PLD5: variants seen among roughly 807,000 people sequenced by gnomAD.
PLD5 encodes the protein inactive phospholipase D5.
A neutral mutation model predicts 61.1 loss-of-function variants in PLD5; 36 were observed. The observed-to-expected ratio is 0.59, with a 90% CI of 0.45 to 0.78. The LOEUF (loss-of-function observed/expected upper bound fraction) is 0.78, where lower values mean the gene tolerates loss of function less well. Ranked by LOEUF, PLD5 falls within the 30% of genes least tolerant of loss-of-function variation. The pLI, the probability that PLD5 is intolerant of heterozygous loss-of-function variation, is 0.00. For synonymous variants in PLD5, 243 were observed against 242.8 expected (o/e 1.00, Z -0.01); for missense variants, 515 against 644.4 (o/e 0.80, Z 2.17).
chr1:242,252,948 C>T (rs1672789473), intron 4 of PLD5, among the ~76,000 whole-genome samples: 2 of 151,312 alleles, frequency 1.3e-5, no homozygotes, highest in South Asian at 4.2e-4. Flanking sequence ...TCCCGAGTAG[C>T]TGGGATTACA....
At chr1:242,323,608 A>G (rs1389187985) in intron 2 of PLD5, among the ~76,000 whole-genome samples, 22 of 152,210 alleles carry the variant, frequency 1.4e-4, no homozygotes, top group Admixed American at 1.4e-3. Flanking sequence ...TTTGCTGACA[A>G]TGCCTGCAGC....
chr1:242,434,201 G>A (rs553672359), intron 1 of PLD5, among the ~76,000 whole-genome samples: 4 of 152,332 alleles, frequency 2.6e-5, no homozygotes, highest in African/African-American at 4.8e-5. Flanking sequence ...ATGGACCAGC[G>A]TCGGTAGAAA....
At chr1:242,296,584 A>G (rs545421920) in intron 2 of PLD5, among the ~76,000 whole-genome samples, 135 of 152,284 alleles carry the variant, frequency 8.9e-4, no homozygotes, top group Non-Finnish European at 2.1e-4. Flanking sequence ...AGACCTAGGG[A>G]CCTTGCTTTA....
intron 6 of PLD5, among the ~76,000 whole-genome samples, chr1:242,122,129 C>A (rs529119188): frequency 6.6e-6 from 1 of 152,230 alleles, no homozygotes; most frequent in South Asian, 2.1e-4. Context: ...TAAAAAACTA[C>A]CCAAAGAAAT....
intron 1 of PLD5, among the ~76,000 whole-genome samples, chr1:242,399,853 G>C (rs940107052): frequency 2.0e-5 from 3 of 151,512 alleles, no homozygotes; most frequent in Admixed American, 2.0e-4. Flanking sequence ...GTGTAGGCGA[G>C]GGATCTAGGC....
intron 2 of PLD5, among the ~76,000 whole-genome samples, chr1:242,325,375 G>GGA (rs1328592066): frequency 1.6e-5 from 2 of 126,048 alleles, no homozygotes; most frequent in African/African-American, 3.0e-5. Flanking sequence ...ATATATATAG[G>GGA]GAGAGAGAGG....
At chr1:242,371,382 C>T (rs1486679520) in intron 1 of PLD5, among the ~76,000 whole-genome samples, 1 of 152,072 alleles carries the variant, frequency 6.6e-6, no homozygotes, top group South Asian at 2.1e-4. Flanking sequence ...CTACCAAAAG[C>T]TCACTACTTA....
chr1:242,396,243 GCATT>G (rs1663566184), intron 1 of PLD5, among the ~76,000 whole-genome samples: 1 of 152,260 alleles, frequency 6.6e-6, no homozygotes, highest in South Asian at 2.1e-4. Flanking sequence ...ACTATCCTGT[GCATT>G]GTAGGATGCT....
chr1:242,187,406 G>T (rs551537268), intron 5 of PLD5, among the ~76,000 whole-genome samples: 1 of 152,234 alleles, frequency 6.6e-6, no homozygotes, highest in African/African-American at 2.4e-5. Flanking sequence ...ACTTCCTGTT[G>T]CATAAAACAA....
intron 2 of PLD5, among the ~76,000 whole-genome samples, chr1:242,330,665 GAAA>G: frequency 6.6e-6 from 1 of 152,056 alleles, no homozygotes; most frequent in South Asian, 2.1e-4. Context: ...TTGACAGATT[GAAA>G]AAATAGAAAT....
chr1:242,477,405 G>A (rs148309204), intron 1 of PLD5, among the ~76,000 whole-genome samples: 1 of 152,322 alleles, frequency 6.6e-6, no homozygotes, highest in East Asian at 1.9e-4. Flanking sequence ...GATCAGTAAA[G>A]CTGTCTTTCT....
At chr1:242,224,202 G>A (rs898153934) in intron 4 of PLD5, among the ~76,000 whole-genome samples, 2 of 151,986 alleles carry the variant, frequency 1.3e-5, no homozygotes, top group Non-Finnish European at 2.9e-5. Flanking sequence ...TTAGATAAAA[G>A]GGCAGAGTAA....
intron 9 of PLD5, among the ~76,000 whole-genome samples, chr1:242,091,802 ATTC>A (rs1452315163): frequency 1.4e-5 from 2 of 147,886 alleles, no homozygotes; most frequent in Non-Finnish European, 3.0e-5. Context: ...GAGTAGCTTT[ATTC>A]TTCTTTTTCT....
chr1:242,260,484 GT>G (rs1673320144), intron 4 of PLD5, among the ~76,000 whole-genome samples: 1 of 151,908 alleles, frequency 6.6e-6, no homozygotes, highest in Admixed American at 6.6e-5. Context: ...TAGCTTGTTT[GT>G]GAAGTCTACC....
intron 7 of PLD5, among the ~76,000 whole-genome samples, chr1:242,111,609 A>G (rs1661510293): frequency 6.6e-6 from 1 of 152,122 alleles, no homozygotes; most frequent in African/African-American, 2.4e-5. Context: ...GAAATTTGAT[A>G]GTATTTACCT....
At chr1:242,238,499 G>A (rs1424859793) in intron 4 of PLD5, among the ~76,000 whole-genome samples, 2 of 152,330 alleles carry the variant, frequency 1.3e-5, no homozygotes, top group African/African-American at 4.8e-5. Context: ...CCTATAAGGT[G>A]CAATGGAGAG....
At chr1:242,199,402 C>T (rs1025649885) in intron 5 of PLD5, among the ~76,000 whole-genome samples, 1 of 151,538 alleles carries the variant, frequency 6.6e-6, no homozygotes, top group Non-Finnish European at 1.5e-5. Flanking sequence ...TTACAGGCGC[C>T]CGCCACCACG....
intron 5 of PLD5, among the ~76,000 whole-genome samples, chr1:242,186,123 A>T (rs11807963): frequency 0.078 from 11,905 of 152,146 alleles, 532 homozygotes; most frequent in Middle Eastern, 0.15. Context: ...CTCATATACT[A>T]CAGGCTATAG....
chr1:242,189,155 C>G (rs1668083238), intron 5 of PLD5, among the ~76,000 whole-genome samples: 2 of 152,070 alleles, frequency 1.3e-5, no homozygotes, highest in African/African-American at 4.8e-5. Context: ...TTTAGAATTT[C>G]AAGGCTCTGG....
Sources: allele counts gnomAD v4.1 joint callset (sites outside exome capture counted in the v4.1 genomes callset), GRCh38; gene constraint gnomAD v4.1.1; transcripts MANE v1.5; gene names NCBI Gene and HGNC (gene_info 2026-07-23, HGNC 2026-07-21).